The following CSNK1G3 variants were observed in gnomAD, a reference collection of about 807,000 sequenced individuals.
CSNK1G3 encodes the protein casein kinase I isoform gamma-3.
Under a neutral mutation model 64.3 loss-of-function variants are expected in CSNK1G3, and 23 were observed. That is an observed-to-expected ratio of 0.36 (90% confidence interval 0.26 to 0.51). The LOEUF (loss-of-function observed/expected upper bound fraction) is 0.51, where lower values mean the gene tolerates loss of function less well. Ranked by LOEUF, CSNK1G3 falls within the 20% of genes least tolerant of loss-of-function variation. The pLI, the probability that CSNK1G3 is intolerant of heterozygous loss-of-function variation, is 0.96. For synonymous variants in CSNK1G3, 158 were observed against 162.2 expected (o/e 0.97, Z 0.20); for missense variants, 357 against 510.5 (o/e 0.70, Z 2.90).
At chr5:123,570,644 C>T (rs569192772) in intron 4 of CSNK1G3, among the ~76,000 whole-genome samples, 1 of 152,152 alleles carries the variant, frequency 6.6e-6, no homozygotes, top group Non-Finnish European at 1.5e-5. Context: ...GCATGAGCTA[C>T]CGCGCCCAGC....
intron 1 of CSNK1G3, among the ~76,000 whole-genome samples, chr5:123,512,861 G>A (rs1580797029): frequency 6.6e-6 from 1 of 152,070 alleles, no homozygotes; most frequent in African/African-American, 2.4e-5. Context: ...AAAAGTTGCC[G>A]GAGTGGTGCG....
At chr5:123,614,546 CT>C in exon 13 of CSNK1G3, 1 of 557,398 alleles carries the variant, frequency 1.8e-6, no homozygotes, top group Non-Finnish European at 3.0e-6. Context: ...TTGTGGTTGT[CT>C]TACATTCTTT....
chr5:123,614,113 C>T (rs564411423), intron 12 of CSNK1G3, among the ~76,000 whole-genome samples: 22 of 152,256 alleles, frequency 1.4e-4, no homozygotes, highest in South Asian at 4.1e-4. Context: ...TTTAATGGCT[C>T]CTTTTTATGT....
chr5:123,562,837 C>A (rs998282930), intron 4 of CSNK1G3, among the ~76,000 whole-genome samples: 1 of 151,912 alleles, frequency 6.6e-6, no homozygotes, highest in African/African-American at 2.4e-5. Flanking sequence ...ACAACTCAGC[C>A]ATCTAAAATT....
intron 2 of CSNK1G3, among the ~76,000 whole-genome samples, chr5:123,548,081 A>G (rs568519375): frequency 6.6e-5 from 10 of 152,298 alleles, no homozygotes; most frequent in African/African-American, 2.2e-4. Flanking sequence ...GTGATTTTCA[A>G]TAAAGGTACT....
intron 8 of CSNK1G3, among the ~76,000 whole-genome samples, chr5:123,589,061 A>G (rs1273869530): frequency 6.6e-6 from 1 of 152,174 alleles, no homozygotes; most frequent in Non-Finnish European, 1.5e-5. Flanking sequence ...TAAGATTTCT[A>G]CATCAATTAA....
intron 4 of CSNK1G3, among the ~76,000 whole-genome samples, chr5:123,572,631 C>T (rs980017754): frequency 6.6e-6 from 1 of 152,210 alleles, no homozygotes; most frequent in Non-Finnish European, 1.5e-5. Flanking sequence ...AATTCAATTC[C>T]TCATGGCAAT....
At chr5:123,522,168 T>C (rs1275681214) in intron 1 of CSNK1G3, among the ~76,000 whole-genome samples, 1 of 152,116 alleles carries the variant, frequency 6.6e-6, no homozygotes, top group Admixed American at 6.6e-5. Flanking sequence ...CTTCTGCTCA[T>C]AGCTTCATAC....
intron 4 of CSNK1G3, among the ~76,000 whole-genome samples, chr5:123,557,900 A>G (rs1034344938): frequency 1.8e-4 from 27 of 152,222 alleles, no homozygotes; most frequent in Non-Finnish European, 3.5e-4. Context: ...ATGGCCACAT[A>G]GAAGTTATCT....
At chr5:123,615,183 TAGAC>T (rs1428902217) in exon 13 of CSNK1G3, 5 of 152,770 alleles carry the variant, frequency 3.3e-5, no homozygotes, top group Middle Eastern at 3.4e-3. Flanking sequence ...TAATGTATGT[TAGAC>T]AGCAAGAAAT....
chr5:123,579,538 A>G (rs1024031469), intron 6 of CSNK1G3, among the ~76,000 whole-genome samples: 1 of 151,910 alleles, frequency 6.6e-6, no homozygotes, highest in South Asian at 2.1e-4. Context: ...TTAACAGACT[A>G]TTTTATAACA....
chr5:123,551,649 A>G (rs1783673769), intron 2 of CSNK1G3, among the ~76,000 whole-genome samples: 1 of 152,178 alleles, frequency 6.6e-6, no homozygotes, highest in Non-Finnish European at 1.5e-5. Flanking sequence ...AATTTTGCCT[A>G]GAAGTTTTGC....
chr5:123,593,204 C>T (rs73799340), intron 10 of CSNK1G3, among the ~76,000 whole-genome samples: 1,462 of 92,214 alleles, frequency 0.016, 15 homozygotes, highest in Non-Finnish European at 0.023. Flanking sequence ...TGTATATATA[C>T]ACACACACAC....
chr5:123,606,299 G>T (rs1023789516), intron 12 of CSNK1G3, among the ~76,000 whole-genome samples: 1 of 152,060 alleles, frequency 6.6e-6, no homozygotes, highest in East Asian at 1.9e-4. Context: ...AAATAAATCC[G>T]TGAAAGTATA....
intron 10 of CSNK1G3, among the ~76,000 whole-genome samples, chr5:123,599,506 G>T (rs779204868): frequency 3.3e-5 from 5 of 152,170 alleles, no homozygotes; most frequent in Non-Finnish European, 7.4e-5. Flanking sequence ...ATCTTGAGAT[G>T]ATAATAAATG....
At chr5:123,555,896 G>C (rs1193254996) in intron 3 of CSNK1G3, among the ~76,000 whole-genome samples, 2 of 152,000 alleles carry the variant, frequency 1.3e-5, no homozygotes, top group African/African-American at 4.8e-5. Context: ...GTACTTCTAG[G>C]TAGTTAACTG....
At chr5:123,614,238 C>T in intron 12 of CSNK1G3, 104 bp from the exon 14 acceptor site, 1 of 1,025,840 alleles carries the variant, frequency 9.7e-7, no homozygotes. Flanking sequence ...GTTTATCTTG[C>T]ACTAGCCTGT....
intron 6 of CSNK1G3, among the ~76,000 whole-genome samples, 173 bp downstream of exon 6, chr5:123,576,136 A>G (rs1185528990): frequency 2.0e-5 from 3 of 152,178 alleles, no homozygotes; most frequent in African/African-American, 7.2e-5. Flanking sequence ...AAACTCTTTG[A>G]AAGTAAGTTA....
chr5:123,573,938 C>G (rs1442480527), intron 5 of CSNK1G3, among the ~76,000 whole-genome samples: 1 of 151,546 alleles, frequency 6.6e-6, no homozygotes, highest in Non-Finnish European at 1.5e-5. Context: ...CAACCTCTGC[C>G]TCCCGGGTTC....
Sources: allele counts gnomAD v4.1 joint callset (sites outside exome capture counted in the v4.1 genomes callset), GRCh38; gene constraint gnomAD v4.1.1; transcripts MANE v1.5; gene names NCBI Gene and HGNC (gene_info 2026-07-23, HGNC 2026-07-21).